Variants in INO80 observed in about 807,000 individuals in gnomAD.
INO80 encodes chromatin-remodeling ATPase INO80.
INO80 carries 20 observed loss-of-function variants against 203.4 expected under a neutral mutation model. The observed-to-expected ratio is 0.10, with a 90% CI of 0.07 to 0.14. The LOEUF (loss-of-function observed/expected upper bound fraction) is 0.14, where lower values mean the gene tolerates loss of function less well. Ranked by LOEUF, INO80 falls within the 10% of genes least tolerant of loss-of-function variation. INO80 has a pLI of 1.00. For missense variants in INO80, 1,419 were observed against 1,914.4 expected (o/e 0.74, Z 4.83); for synonymous variants, 726 against 685.2 (o/e 1.06, Z -0.93).
intron 14 of INO80, among the ~76,000 whole-genome samples, chr15:41,066,957 T>A (rs893015034): frequency 4.6e-5 from 7 of 151,986 alleles, no homozygotes; most frequent in Admixed American, 2.0e-4. Context: ...GTTTCAGGCA[T>A]ACTTATAAAG....
chr15:41,020,995 T>G lies in INO80; in HGVS notation c.3179A>C (p.Asp1060Ala). 2 of 1,614,134 alleles carry G rather than the reference T, an allele frequency of 1.2e-6. No individual in the cohort carries two copies. Among genetic ancestry groups the G allele is most frequent in the Non-Finnish European group, 1.7e-6 (2 of 1,179,980 alleles). The change falls in exon 26 of 36, where the codon GAC becomes GCC. Residue 1060 changes from aspartate to alanine, a missense_variant. This residue lies in a region of INO80 where 302 missense variants were observed against 345.4 expected (regional missense o/e 0.87). Transcript: ENST00000648947. ...LLNGAPELAA[D>A]WLNRRSQFFP... is the part of the protein sequence containing the mutation. ...GAACTGTGATCGTCTATTTAGCCAG[T>G]CTGCAGCCAGTTCAGGGGCCCCATT...
chr15:40,985,326 G>A lies in INO80; in HGVS notation c.3921+12C>T, dbSNP rs372721783. The A allele has an allele frequency of 5.6e-6, 9 of 1,607,524 alleles. No individual in the cohort carries two copies. The highest frequency in any genetic ancestry group is 5.4e-5 in the African/African-American group (4 of 74,750). On this transcript the variant is annotated intron_variant, in intron 32 of 35. Transcript: ENST00000648947. ...CCATTAGCCCCTATCCACCATTCCAGGCTGGAAATACCTTCTCTGCATACT... is the reference window on the plus strand; with the variant it reads ...CCATTAGCCCCTATCCACCATTCCAAGCTGGAAATACCTTCTCTGCATACT...
chr15:41,012,560 T>TAAAAAAAA (rs1203728859), intron 27 of INO80, among the ~76,000 whole-genome samples: 18 of 5,176 alleles, frequency 3.5e-3, no homozygotes, highest in East Asian at 0.042. Context: ...GAGACTCTTT[T>TAAAAAAAA]TAAAAAAAAA....
intron 9 of INO80, among the ~76,000 whole-genome samples, chr15:41,076,276 G>T (rs1167497245): frequency 1.3e-5 from 2 of 151,982 alleles, no homozygotes; most frequent in South Asian, 2.1e-4. Context: ...CAGGAGAATC[G>T]CTTGAACCCA....
intron 28 of INO80, among the ~76,000 whole-genome samples, chr15:41,004,312 T>C (rs1166339363): frequency 6.6e-6 from 1 of 152,198 alleles, no homozygotes; most frequent in Non-Finnish European, 1.5e-5. Context: ...CTATGTTGAA[T>C]TGTGGATGTG....
chr15:41,019,317 T>C (rs2044255797), intron 26 of INO80: 1 of 152,184 alleles, frequency 6.6e-6, no homozygotes, highest in African/African-American at 2.4e-5. Context: ...ACCCCCGCCC[T>C]GTCCCAGCTA....
chr15:41,067,395 T>C (rs1002287082), intron 14 of INO80, among the ~76,000 whole-genome samples: 1 of 151,798 alleles, frequency 6.6e-6, no homozygotes, highest in African/African-American at 2.4e-5. Flanking sequence ...TTTTTCAAGA[T>C]CTGCATTGTT....
intron 28 of INO80, among the ~76,000 whole-genome samples, chr15:40,998,016 C>CTTTTTTT (rs10572892): frequency 1.3e-5 from 1 of 75,178 alleles, no homozygotes; most frequent in African/African-American, 5.5e-5. Context: ...CCAAAACACT[C>CTTTTTTT]TTTTTTTTTT....
rs773102966 is a variant in INO80 at position 41,049,270 on chromosome 15, T to C, written c.2576+17A>G. 9.3e-6 allele frequency: 15 copies of C among 1,604,770 alleles called. No homozygotes were observed. The highest frequency in any genetic ancestry group is 2.2e-5 in the East Asian group (1 of 44,658). On this transcript the variant is annotated intron_variant, in intron 21 of 35. Transcript: ENST00000648947. ...TTATAAAACACTAATAGTGAACAGA[T>C]AGTAATACTTCCCTACCTGTCTCGT...
chr15:41,020,865 G>T, intron 26 of INO80, 35 bp downstream of exon 26: 1 of 1,381,936 alleles, frequency 7.2e-7, no homozygotes, highest in Non-Finnish European at 1.0e-6. Flanking sequence ...CCTTGCCAAA[G>T]CGAGGAACAC....
intron 35 of INO80, among the ~76,000 whole-genome samples, chr15:40,981,394 G>C (rs1408213244): frequency 6.6e-6 from 1 of 152,208 alleles, no homozygotes; most frequent in Non-Finnish European, 1.5e-5. Context: ...TGGACTACTG[G>C]CATGACTGTT....
intron 5 of INO80, among the ~76,000 whole-genome samples, chr15:41,089,687 G>C (rs1380408075): frequency 1.3e-5 from 2 of 151,530 alleles, no homozygotes; most frequent in Non-Finnish European, 2.9e-5. Context: ...AGGTGGCAGT[G>C]AGCCGAGATC....
chr15:41,103,327 G>A (rs1015033147), intron 1 of INO80, among the ~76,000 whole-genome samples: 3 of 152,094 alleles, frequency 2.0e-5, no homozygotes, highest in Admixed American at 2.0e-4. Flanking sequence ...CCCACCTCCA[G>A]GTTCTTCTCA....
At chr15:41,095,382 G>A (rs1343480210) in intron 4 of INO80, among the ~76,000 whole-genome samples, 1 of 152,158 alleles carries the variant, frequency 6.6e-6, no homozygotes, top group Non-Finnish European at 1.5e-5. Flanking sequence ...AAGCATTTCA[G>A]ATTAGCAATA....
At chr15:41,035,805 G>A (rs2044562467) in intron 24 of INO80, among the ~76,000 whole-genome samples, 2 of 110,364 alleles carry the variant, frequency 1.8e-5, no homozygotes, top group African/African-American at 7.0e-5. Context: ...CTGGGGGACA[G>A]AGTGAGACTC....
chr15:41,096,243 T>C lies in INO80; in HGVS notation c.68A>G (p.Gln23Arg). Residue 23 changes from glutamine (Q) to arginine (R), a missense_variant, in exon 2 of 36, where the codon CAG becomes CGG. Gln to Arg is a conservative substitution (Grantham distance 43, BLOSUM62 1). Around this residue, in one of 9 missense-constraint regions of INO80, gnomAD observed 323 missense variants for 325.4 expected, o/e 0.99. Transcript: ENST00000648947. ...CAACCGGAGGGCCCTCTCCAAGTAC[T>C]GAAGATAGAGGGGCTTTGCCAGCTC... is the stretch of plus-strand genomic sequence containing the variant. ...CTELAKPLYL[Q>R]YLERALRLDH... 1 of 1,613,160 alleles carries C rather than the reference T, an allele frequency of 6.2e-7. No homozygotes were observed. Among genetic ancestry groups the C allele is most frequent in the Non-Finnish European group, 8.5e-7 (1 of 1,179,776 alleles).
At chr15:40,984,462 T>A in intron 32 of INO80, 110 bp from the exon 33 acceptor site, 1 of 962,298 alleles carries the variant, frequency 1.0e-6, no homozygotes, top group Non-Finnish European at 1.5e-6. Flanking sequence ...TTTATAAACT[T>A]CTCAATTAGC....
At chr15:41,072,433 A>G (rs188118634) in intron 11 of INO80, among the ~76,000 whole-genome samples, 43 of 151,904 alleles carry the variant, frequency 2.8e-4, no homozygotes, top group African/African-American at 1.0e-3. Flanking sequence ...CATAACAAAG[A>G]GCTTGGGCCA....
intron 16 of INO80, 71 bp from the exon 17 acceptor site, chr15:41,056,777 A>C (rs1409580360): frequency 7.7e-7 from 1 of 1,299,772 alleles, no homozygotes; most frequent in Admixed American, 1.8e-5. Flanking sequence ...CTGAGACCCC[A>C]TATTGACAAA....
Sources: allele counts gnomAD v4.1 joint callset (sites outside exome capture counted in the v4.1 genomes callset), GRCh38; gene constraint gnomAD v4.1.1; regional missense constraint gnomAD v4.1.1; transcripts MANE v1.5; gene names NCBI Gene and HGNC (gene_info 2026-07-23, HGNC 2026-07-21).